CELF6: variants seen among roughly 807,000 people sequenced by gnomAD.
The protein encoded by CELF6 is CUGBP Elav-like family member 6.
A neutral mutation model predicts 53.1 loss-of-function variants in CELF6; 32 were observed. The ratio of observed to expected loss-of-function variants is 0.60; its 90% CI spans 0.46 to 0.81. The LOEUF (loss-of-function observed/expected upper bound fraction) is 0.81, where lower values mean the gene tolerates loss of function less well. CELF6 is among the 30% of genes least tolerant of loss of function. CELF6 has a pLI of 0.00. For missense variants in CELF6, 539 were observed against 669.5 expected, an observed-to-expected ratio of 0.81 and a Z score of 2.15; for synonymous variants, 291 against 288.8, an observed-to-expected ratio of 1.01 and a Z score of -0.08.
intron 3 of CELF6, among the ~76,000 whole-genome samples, chr15:72,298,760 G>A (rs971741832): frequency 3.9e-5 from 6 of 152,176 alleles, no homozygotes; most frequent in African/African-American, 7.2e-5. Context: ...ACTTATTGGT[G>A]TTTCCAAAGT....
chr15:72,303,498 G>A lies in CELF6; in HGVS notation c.394+1248C>T, dbSNP rs2959932. ...AACCACAAAGTCACCAGAACTCTGT[G>A]TGTGGGTTCTCAGACTGAGCATGAA... On this transcript the variant is annotated intron_variant, in intron 3 of 12. Coordinates refer to ENST00000287202, the MANE Select transcript of CELF6 (RefSeq NM_052840.5). Among the ~76,000 whole-genome samples the A allele has an allele frequency of 2.3e-3, 355 of 152,342 alleles. 1 individual carries two copies. The highest frequency in any genetic ancestry group is 8.4e-3 in the African/African-American group (350 of 41,580).
At chr15:72,308,136 G>A (rs1003290304) in intron 2 of CELF6, among the ~76,000 whole-genome samples, 1 of 152,176 alleles carries the variant, frequency 6.6e-6, no homozygotes, top group African/African-American at 2.4e-5. Flanking sequence ...CTAGTGAAGA[G>A]GGAATCATGA....
At chr15:72,290,737 C>A (rs968693799) in intron 3 of CELF6, among the ~76,000 whole-genome samples, 2 of 152,096 alleles carry the variant, frequency 1.3e-5, no homozygotes, top group African/African-American at 2.4e-5. Context: ...AGAATCAATG[C>A]CCCTTCCTGC....
In CELF6 at chr15:72,311,405, CTTTTTT is replaced by C. The variant is rs531976963; in HGVS notation, c.345+4434_345+4439del. Among the ~76,000 whole-genome samples the C allele has an allele frequency of 9.4e-5, 13 of 138,602 alleles. No homozygotes were observed. The South Asian group carries it at 2.7e-3, about 29-fold the overall frequency. The allele number at this position is 138,602 out of a possible 152,430, so 90.9% of individuals were successfully genotyped here. ...AGATGCAATGAGGCTCACCTTTTTT[CTTTTTT>C]TTTTTTTTTGAGACAGAGTCTCGCT... On this transcript the variant is annotated intron_variant, in intron 2 of 12. Transcript: ENST00000287202.
At chr15:72,308,486 C>T (rs182783079) in intron 2 of CELF6, among the ~76,000 whole-genome samples, 43 of 152,214 alleles carry the variant, frequency 2.8e-4, no homozygotes, top group African/African-American at 1.0e-3. Context: ...CTCGGCCTCC[C>T]AAAGTGCTGG....
In CELF6 at chr15:72,289,402, C is replaced by G; in HGVS notation, c.853G>C (p.Val285Leu). 2 of 1,555,934 alleles carry G rather than the reference C, an allele frequency of 1.3e-6. No individual in the cohort carries two copies. The highest frequency in any genetic ancestry group is 1.7e-6 in the Non-Finnish European group (2 of 1,159,300). ...QMQHVAAFSL[V>L]AAPLLPAAAA... is the part of the protein sequence containing the mutation. ...GCCGCGGGCAACAGAGGCGCAGCTA[C>G]CAGGCTAAAGGCCGCCACGTGTTGC... Residue 285 changes from valine to leucine, a missense_variant, in exon 7 of 13, where the codon GTA (valine) becomes CTA (leucine). Val to Leu is a conservative substitution (Grantham distance 32). Coordinates refer to ENST00000287202, the MANE Select transcript of CELF6 (RefSeq NM_052840.5). The surrounding 1 kb of genome is among the most constrained non-coding windows in gnomAD (Gnocchi z 7.6).
chr15:72,312,491 C>CGGTGAT (rs2088309804), intron 2 of CELF6, among the ~76,000 whole-genome samples: 1 of 152,022 alleles, frequency 6.6e-6, no homozygotes, highest in Non-Finnish European at 1.5e-5. Context: ...TAGCTTGGCG[C>CGGTGAT]GGTGATGGGT....
At position 72,289,182 on chromosome 15, in the gene CELF6, G is replaced by A; in HGVS notation, c.986C>T (p.Pro329Leu). 1 of 1,560,182 alleles carries A rather than the reference G, an allele frequency of 6.4e-7. No individual in the cohort carries two copies. Among genetic ancestry groups the A allele is most frequent in the East Asian group, 2.3e-5 (1 of 44,008 alleles). The change falls in exon 8 of 13, where the codon CCG becomes CTG. Residue 329 changes from proline to leucine, a missense_variant. Transcript: ENST00000287202. This position sits in a 1 kb window ranked among gnomAD's most constrained non-coding sequence, Gnocchi z 7.6. The part of the protein sequence containing the change: ...GPLTPQTNGQ[P>L]GSDTLYNNGL... Reference sequence around the variant, plus strand: ...GTTATTGTAGAGCGTGTCGGAGCCCGGCTGGCCATTGGTCTGGGGGGTCAG... The same window carrying A: ...GTTATTGTAGAGCGTGTCGGAGCCCAGCTGGCCATTGGTCTGGGGGGTCAG...
In CELF6 at chr15:72,319,626, G is replaced by A. The variant is rs866398213; in HGVS notation, c.249C>T (p.Thr83=). The part of the protein sequence containing the change: ...YELTVLKDRL[T]GLHKGCAFLT... ...GACCCCGCGCACCTTTGTGGAGGCCGGTGAGCCGGTCCTTCAGCACCGTCA... is the reference window on the plus strand; with the variant it reads ...GACCCCGCGCACCTTTGTGGAGGCCAGTGAGCCGGTCCTTCAGCACCGTCA... Residue 83 remains threonine (T), a synonymous_variant, in exon 1 of 13, where the codon ACC becomes ACT. Coordinates refer to ENST00000287202, the MANE Select transcript of CELF6 (RefSeq NM_052840.5). The surrounding 1 kb of genome is among the most constrained non-coding windows in gnomAD (Gnocchi z 5.0). 1.9e-6 allele frequency: 3 copies of A among 1,556,710 alleles called. No individual in the cohort carries two copies. Among genetic ancestry groups the A allele is most frequent in the South Asian group, 2.4e-5 (2 of 84,660 alleles).
Position 72,288,760 on chromosome 15 carries a change from G to T in CELF6, c.1093+108C>A. On this transcript the variant is annotated intron_variant, in intron 9 of 12. Coordinates refer to ENST00000287202, the MANE Select transcript of CELF6 (RefSeq NM_052840.5). This position sits in a 1 kb window ranked among gnomAD's most constrained non-coding sequence, Gnocchi z 4.6. ...GAGAGGTCGTTCTGGGGGTAGGAGG[G>T]GATGGGAGGATCAACTCCTTGGAAC... 1.5e-6 allele frequency: 2 copies of T among 1,337,534 alleles called. No homozygotes were observed. The highest frequency in any genetic ancestry group is 2.1e-6 in the Non-Finnish European group (2 of 951,068). 82.9% of individuals were successfully genotyped at this position (1,337,534 alleles called of 1,614,324 possible).
At position 72,292,395 on chromosome 15, in the gene CELF6, C is replaced by T. The variant is rs1423288129; in HGVS notation, c.395-2140G>A. 9.2e-6 allele frequency: 6 copies of T among 655,516 alleles called. No homozygotes were observed. The East Asian group carries it at 1.7e-4, about 18-fold the overall frequency. 40.6% of individuals were successfully genotyped at this position (655,516 alleles called of 1,614,324 possible). On this transcript the variant is annotated intron_variant, in intron 3 of 12. Coordinates refer to ENST00000287202, the MANE Select transcript of CELF6 (RefSeq NM_052840.5). ...GACCATGCCATTGTTCTAAGTTATT[C>T]TGGGCTGCAGAAGGCCTGGGAGAGG...
At position 72,289,318 on chromosome 15, in the gene CELF6, C is replaced by T. The variant is rs1457315039; in HGVS notation, c.881-31G>A. Reference sequence around the variant, plus strand: ...GGCGGAAAAGGTCTGAGAGTCAGGCCGCCACCCCGCCCCGCCCGGCCCCTC... The same window carrying T: ...GGCGGAAAAGGTCTGAGAGTCAGGCTGCCACCCCGCCCCGCCCGGCCCCTC... On this transcript the variant is annotated intron_variant, in intron 7 of 12. Transcript: ENST00000287202. This position sits in a 1 kb window ranked among gnomAD's most constrained non-coding sequence, Gnocchi z 7.6. 1 of 1,539,172 alleles carries T rather than the reference C, an allele frequency of 6.5e-7. No individual in the cohort carries two copies. Among genetic ancestry groups the T allele is most frequent in the Non-Finnish European group, 8.7e-7 (1 of 1,149,918 alleles).
In CELF6 at chr15:72,288,978, C is replaced by A; in HGVS notation, c.1031-48G>T. Reference sequence around the variant, plus strand: ...CCCACAGTGAAGGCAAGCGGGCGAGCAGAGTGGGTGAGAAGCTCAGGGAGT... The same window carrying A: ...CCCACAGTGAAGGCAAGCGGGCGAGAAGAGTGGGTGAGAAGCTCAGGGAGT... On this transcript the variant is annotated intron_variant, in intron 8 of 12. Coordinates refer to ENST00000287202, the MANE Select transcript of CELF6 (RefSeq NM_052840.5). This position sits in a 1 kb window ranked among gnomAD's most constrained non-coding sequence, Gnocchi z 4.6. 6.6e-7 allele frequency: 1 copy of A among 1,509,088 alleles called. No homozygotes were observed. 93.5% of individuals were successfully genotyped at this position (1,509,088 alleles called of 1,614,324 possible).
At chr15:72,296,422 C>A (rs751593910) in intron 3 of CELF6, among the ~76,000 whole-genome samples, 7 of 151,950 alleles carry the variant, frequency 4.6e-5, no homozygotes, top group Non-Finnish European at 8.8e-5. Flanking sequence ...TATTGGAGGG[C>A]AAAAATAAAA....
intron 2 of CELF6, among the ~76,000 whole-genome samples, chr15:72,313,100 A>G (rs1207664896): frequency 6.6e-6 from 1 of 152,206 alleles, no homozygotes. Flanking sequence ...GTCCCCAGTC[A>G]CCATTCTCTC....
At chr15:72,308,290 G>A (rs2959924) in intron 2 of CELF6, among the ~76,000 whole-genome samples, 4,851 of 152,142 alleles carry the variant, frequency 0.032, 153 homozygotes, top group African/African-American at 0.076. Context: ...GTGCAATGGC[G>A]TAATCTCGCC....
At chr15:72,296,975 G>A (rs2088088176) in intron 3 of CELF6, among the ~76,000 whole-genome samples, 1 of 151,786 alleles carries the variant, frequency 6.6e-6, no homozygotes. Flanking sequence ...TTGAAAGCAG[G>A]GTCTTTTCAA....
Position 72,285,010 on chromosome 15 carries a change from T to G in CELF6, c.*1361A>C, listed in dbSNP as rs1216813642. On this transcript the variant is annotated 3_prime_UTR_variant, in exon 13 of 13. Coordinates refer to ENST00000287202, the MANE Select transcript of CELF6 (RefSeq NM_052840.5). The stretch of plus-strand genomic sequence containing the variant: ...TCATGGTGTTCTAAGCTGAATCTTT[T>G]GCCCATCTCACAGAAGCAGGCAGGA... 1.3e-5 allele frequency: 2 copies of G among 152,690 alleles called. No individual in the cohort carries two copies. Among genetic ancestry groups the G allele is most frequent in the East Asian group, 1.9e-4 (1 of 5,188 alleles). The allele number at this position is 152,690 out of a possible 1,614,324, so 9.5% of individuals were successfully genotyped here. A position where few individuals can be genotyped will look rare whatever the true frequency, so the allele number is the denominator to read the frequency against.
intron 2 of CELF6, chr15:72,306,342 T>G: frequency 1.0e-6 from 1 of 968,050 alleles, no homozygotes; most frequent in Non-Finnish European, 1.2e-6. Flanking sequence ...AAGGTGATGA[T>G]CTGACCCCCT....
Sources: gnomAD v4.1 joint callset for allele counts (sites outside exome capture counted in the v4.1 genomes callset) on GRCh38, gnomAD v4.1.1 for gene constraint, Gnocchi (gnomAD v3.1) non-coding constraint, MANE v1.5 for transcripts, NCBI Gene and HGNC (gene_info 2026-07-23, HGNC 2026-07-21) for gene names.